The following MPPED1 variants were observed in gnomAD, a reference collection of about 807,000 sequenced individuals.
MPPED1 encodes metallophosphoesterase domain-containing protein 1.
MPPED1 carries 16 observed loss-of-function variants against 36.2 expected under a neutral mutation model. The ratio of observed to expected loss-of-function variants is 0.44; its 90% CI spans 0.30 to 0.67. The LOEUF is 0.67. MPPED1 is among the 30% of genes least tolerant of loss of function. The pLI is 0.10. For missense variants in MPPED1, 307 were observed against 453.4 expected, an observed-to-expected ratio of 0.68 and a Z score of 2.93; for synonymous variants, 199 against 191.3, an observed-to-expected ratio of 1.04 and a Z score of -0.33.
Position 43,500,163 on chromosome 22 carries a change from ATGG to A in MPPED1, c.748+1816_748+1818del, listed in dbSNP as rs1569091623. Among the ~76,000 whole-genome samples the A allele has an allele frequency of 1.2e-3, 38 of 31,562 alleles. 13 individuals are homozygous for A. Among genetic ancestry groups the A allele is most frequent in the African/African-American group, 8.3e-3 (35 of 4,228 alleles). 20.7% of individuals were successfully genotyped at this position (31,562 alleles called of 152,430 possible). On this transcript the variant is annotated intron_variant, in intron 5 of 6. Transcript: ENST00000443721. Reference sequence around the variant, plus strand: ...GGAGGTGGTGGGGGTGGTGGTGGTGATGGTGATGGAGGTGGTGGTGATGGTGAT... The same window carrying A: ...GGAGGTGGTGGGGGTGGTGGTGGTGATGATGGAGGTGGTGGTGATGGTGAT...
chr22:43,447,890 T>A (rs9612073), intron 3 of MPPED1, among the ~76,000 whole-genome samples: 210 of 131,636 alleles, frequency 1.6e-3, no homozygotes, highest in Middle Eastern at 3.8e-3. Context: ...TATATTTTTT[T>A]TTTTTTTAGA....
rs776108565 is a variant in MPPED1, at chr22:43,447,883, A to ATT, written c.406+12681_406+12682dup. On this transcript the variant is annotated intron_variant, in intron 3 of 6. Coordinates refer to ENST00000443721, the MANE Select transcript of MPPED1 (RefSeq NM_001044370.2). ...ATTATATATATATATATATATATAT[A>ATT]TTTTTTTTTTTTTTAGACAAAGTCT... 6.9e-3 allele frequency among the ~76,000 whole-genome samples: 467 copies of ATT among 67,706 alleles called. 12 individuals carry two copies. The highest frequency in any genetic ancestry group is 0.019 in the Middle Eastern group (2 of 106). 44.4% of individuals were successfully genotyped at this position (67,706 alleles called of 152,430 possible).
chr22:43,478,749 G>A (rs577829565), intron 4 of MPPED1, among the ~76,000 whole-genome samples: 4 of 152,226 alleles, frequency 2.6e-5, no homozygotes, highest in East Asian at 3.9e-4. Flanking sequence ...CTGGGTCCCC[G>A]GCCATACCCC....
intron 4 of MPPED1, among the ~76,000 whole-genome samples, chr22:43,486,157 C>T (rs956365454): frequency 7.6e-6 from 1 of 131,736 alleles, no homozygotes; most frequent in East Asian, 2.6e-4. Flanking sequence ...GTCTGGTCTC[C>T]ATGCAGGCAT....
intron 4 of MPPED1, among the ~76,000 whole-genome samples, chr22:43,488,229 G>A (rs553882450): frequency 2.7e-4 from 41 of 152,220 alleles, no homozygotes; most frequent in African/African-American, 9.9e-4. Context: ...GTGTGCCTGT[G>A]TGCTCAGCAC....
intron 3 of MPPED1, among the ~76,000 whole-genome samples, chr22:43,441,520 T>C (rs1392400883): frequency 6.6e-6 from 1 of 152,142 alleles, no homozygotes; most frequent in African/African-American, 2.4e-5. Context: ...GGGGTGTTTG[T>C]TGTAAAAGCG....
At chr22:43,412,220 C>G (rs1331742530) in intron 1 of MPPED1, 62 bp downstream of exon 1, 3 of 901,904 alleles carry the variant, frequency 3.3e-6, no homozygotes, top group Non-Finnish European at 4.0e-6. Flanking sequence ...CGGGGCGCGG[C>G]CGGGACCCTC....
intron 3 of MPPED1, among the ~76,000 whole-genome samples, chr22:43,466,602 C>G (rs571799020): frequency 1.1e-4 from 17 of 152,260 alleles, no homozygotes; most frequent in Admixed American, 7.2e-4. Flanking sequence ...GGGATTGTCT[C>G]TCCCTGGGTT....
At chr22:43,500,272 A>AGGTGGCGGTGGTGATGGGGGTGGTGGT (rs1932660465) in intron 5 of MPPED1, among the ~76,000 whole-genome samples, 1 of 8,256 alleles carries the variant, frequency 1.2e-4, no homozygotes, top group South Asian at 3.5e-3. Context: ...ATGGTGATGG[A>AGGTGGCGGTGGTGATGGGGGTGGTGGT]GGTGGCGGTG....
At chr22:43,461,732 G>C (rs372873699) in intron 3 of MPPED1, among the ~76,000 whole-genome samples, 27 of 152,250 alleles carry the variant, frequency 1.8e-4, no homozygotes, top group African/African-American at 6.5e-4. Context: ...AAAAACCTGA[G>C]AATATATGTC....
chr22:43,505,155 T>TTGA (rs1489666546), intron 6 of MPPED1, among the ~76,000 whole-genome samples: 1 of 151,650 alleles, frequency 6.6e-6, no homozygotes, highest in Non-Finnish European at 1.5e-5. Flanking sequence ...GATGATGATG[T>TTGA]TGATAGTGAT....
intron 1 of MPPED1, among the ~76,000 whole-genome samples, chr22:43,412,375 G>A (rs945901130): frequency 2.6e-4 from 40 of 152,056 alleles, no homozygotes; most frequent in African/African-American, 8.7e-4. Context: ...GCTCCGCCAG[G>A]GCGCGGGACT....
chr22:43,471,056 A>G (rs1006579571), intron 3 of MPPED1, among the ~76,000 whole-genome samples: 3 of 152,222 alleles, frequency 2.0e-5, no homozygotes, highest in Admixed American at 6.5e-5. Context: ...AGCCTCAGTC[A>G]TCAGCTGCTG....
intron 4 of MPPED1, among the ~76,000 whole-genome samples, chr22:43,496,412 ATGGAGGTGGTGGTGG>A (rs1569089635): frequency 6.9e-4 from 1 of 1,456 alleles, no homozygotes. Flanking sequence ...GGAGGTGGTG[ATGGAGGTGGTGGTGG>A]TGGAGGTGGT....
chr22:43,485,750 CAA>C (rs1408903263), intron 4 of MPPED1, among the ~76,000 whole-genome samples: 1 of 152,220 alleles, frequency 6.6e-6, no homozygotes, highest in African/African-American at 2.4e-5. Context: ...CCCAGCGAAA[CAA>C]AAGATGGATG....
At chr22:43,500,144 G>A (rs1932630521) in intron 5 of MPPED1, among the ~76,000 whole-genome samples, 1 of 111,174 alleles carries the variant, frequency 9.0e-6, no homozygotes, top group African/African-American at 4.3e-5. Context: ...TAATGGAGGT[G>A]GTGGGGGTGG....
intron 3 of MPPED1, among the ~76,000 whole-genome samples, chr22:43,438,255 A>G (rs1930033273): frequency 6.6e-6 from 1 of 152,150 alleles, no homozygotes; most frequent in Admixed American, 6.5e-5. Context: ...GTGGGCACGG[A>G]AGGCCTCCCT....
chr22:43,459,293 T>TGACCA (rs1930863586), intron 3 of MPPED1, among the ~76,000 whole-genome samples: 1 of 152,174 alleles, frequency 6.6e-6, no homozygotes, highest in African/African-American at 2.4e-5. Flanking sequence ...GATGGGGTAT[T>TGACCA]GCCAGGCTGG....
intron 3 of MPPED1, among the ~76,000 whole-genome samples, chr22:43,439,150 T>A (rs1930063275): frequency 6.6e-6 from 1 of 152,202 alleles, no homozygotes; most frequent in Admixed American, 6.5e-5. Flanking sequence ...TGCTGTCAGC[T>A]CGGCTGTGAC....
Sources: gnomAD v4.1 joint callset for allele counts (sites outside exome capture counted in the v4.1 genomes callset) on GRCh38, gnomAD v4.1.1 for gene constraint, MANE v1.5 for transcripts, NCBI Gene and HGNC (gene_info 2026-07-23, HGNC 2026-07-21) for gene names.